CDC42BPA: variants seen among roughly 807,000 people sequenced by gnomAD.
CDC42BPA encodes CDC42 binding protein kinase alpha.
In CDC42BPA, 80 loss-of-function variants were observed where a neutral mutation model predicts 223.5. That is an observed-to-expected ratio of 0.36 (90% CI 0.30 to 0.43). The LOEUF (loss-of-function observed/expected upper bound fraction) is 0.43, where lower values mean the gene tolerates loss of function less well. CDC42BPA is among the 20% of genes least tolerant of loss of function. The pLI, the probability that CDC42BPA is intolerant of heterozygous loss-of-function variation, is 1.00. For synonymous variants in CDC42BPA, 694 were observed against 718.6 expected, an observed-to-expected ratio of 0.97 and a Z score of 0.55; for missense variants, 1,743 against 2,099.9, an observed-to-expected ratio of 0.83 and a Z score of 3.32.
At chr1:227,247,537 A>G (rs554842523) in intron 2 of CDC42BPA, among the ~76,000 whole-genome samples, 2 of 152,104 alleles carry the variant, frequency 1.3e-5, no homozygotes, top group South Asian at 2.1e-4. Flanking sequence ...GAAATTCAAG[A>G]TAACACAGAG....
chr1:227,112,396 A>T lies in CDC42BPA; in HGVS notation c.1917T>A (p.Ala639=). The stretch of plus-strand genomic sequence containing the variant: ...GCTTCCTGTCTTTAGATGCTTCAGC[A>T]GCTAGAGCTTCTGTATGAACTTCCA... ...KELEVHTEAL[A]AEASKDRKLR... Residue 639 remains alanine (A), a synonymous_variant, in exon 14 of 37, where the codon GCT becomes GCA. Coordinates refer to ENST00000366766, the MANE Select transcript of CDC42BPA (RefSeq NM_001394014.1). 1 of 1,604,628 alleles carries T rather than the reference A, an allele frequency of 6.2e-7. No homozygotes were observed. Among genetic ancestry groups the T allele is most frequent in the Non-Finnish European group, 8.5e-7 (1 of 1,175,834 alleles).
chr1:227,153,755 CA>C (rs1662220255), intron 6 of CDC42BPA, among the ~76,000 whole-genome samples: 1 of 151,744 alleles, frequency 6.6e-6, no homozygotes, highest in Non-Finnish European at 1.5e-5. Flanking sequence ...AATCTATCTG[CA>C]AAACAAAATA....
In CDC42BPA at chr1:227,004,996, G is replaced by T; in HGVS notation, c.4973C>A (p.Ala1658Glu). The T allele has an allele frequency of 6.2e-7, 1 of 1,609,898 alleles. No individual in the cohort carries two copies. Among genetic ancestry groups the T allele is most frequent in the Non-Finnish European group, 8.5e-7 (1 of 1,176,178 alleles). The stretch of plus-strand genomic sequence containing the variant: ...CTTCCTGTAGCCCCGGCACTTACTT[G>T]CTGACAAGCCACTGCTAGCACTCAT... ...RSMSASSGLS[A>E]RSSAQNGSAL... The change falls in exon 35 of 37, where the codon GCA (alanine) becomes GAA (glutamate). Residue 1658 changes from alanine (A) to glutamate (E), a missense_variant and splice_region_variant. Physicochemically the swap from Ala to Glu is moderately radical, Grantham distance 107. Transcript: ENST00000366766.
intron 2 of CDC42BPA, among the ~76,000 whole-genome samples, chr1:227,216,443 C>T (rs1472222413): frequency 6.6e-6 from 1 of 152,158 alleles, no homozygotes; most frequent in East Asian, 1.9e-4. Context: ...ATAACAGTTT[C>T]ATGAGCTACC....
At chr1:227,077,874 A>G (rs1553326897) in intron 17 of CDC42BPA, among the ~76,000 whole-genome samples, 1 of 152,138 alleles carries the variant, frequency 6.6e-6, no homozygotes, top group Non-Finnish European at 1.5e-5. Flanking sequence ...TTCATTTGTA[A>G]ATAGTATTAA....
intron 2 of CDC42BPA, among the ~76,000 whole-genome samples, chr1:227,235,711 A>G (rs925192302): frequency 3.9e-5 from 6 of 152,184 alleles, no homozygotes; most frequent in Admixed American, 2.0e-4. Flanking sequence ...CCTAATAAGG[A>G]CTTTCACACA....
chr1:227,203,659 C>A (rs2150263068), intron 3 of CDC42BPA, among the ~76,000 whole-genome samples: 1 of 152,250 alleles, frequency 6.6e-6, no homozygotes, highest in Admixed American at 6.5e-5. Flanking sequence ...TACTGTAGAT[C>A]ATATCACTTC....
At chr1:227,107,910 G>C (rs540878138) in intron 14 of CDC42BPA, among the ~76,000 whole-genome samples, 2 of 152,008 alleles carry the variant, frequency 1.3e-5, no homozygotes, top group African/African-American at 4.8e-5. Context: ...TTTGTTTTCT[G>C]TTGGTCAGTA....
At chr1:227,282,084 G>A (rs1184217003) in intron 1 of CDC42BPA, among the ~76,000 whole-genome samples, 3 of 151,916 alleles carry the variant, frequency 2.0e-5, no homozygotes, top group African/African-American at 4.8e-5. Flanking sequence ...AGCTACTTGG[G>A]AGCTGAGGCA....
At chr1:227,109,506 C>T (rs1225528224) in intron 14 of CDC42BPA, among the ~76,000 whole-genome samples, 1 of 152,072 alleles carries the variant, frequency 6.6e-6, no homozygotes, top group African/African-American at 2.4e-5. Context: ...GCTGGGATTA[C>T]AGGCATGCGC....
At chr1:227,000,120 A>C (rs1273008142) in intron 35 of CDC42BPA, among the ~76,000 whole-genome samples, 2 of 124,448 alleles carry the variant, frequency 1.6e-5, no homozygotes, top group East Asian at 2.0e-4. Context: ...TAATAATAAT[A>C]ATAATAATAA....
intron 17 of CDC42BPA, among the ~76,000 whole-genome samples, chr1:227,077,861 C>T (rs568839586): frequency 1.3e-5 from 2 of 152,256 alleles, no homozygotes; most frequent in South Asian, 4.1e-4. Flanking sequence ...TCATCTCTTG[C>T]CCTTCATTTG....
chr1:227,029,332 A>G, intron 29 of CDC42BPA, 82 bp from the exon 30 acceptor site: 5 of 865,736 alleles, frequency 5.8e-6, no homozygotes, highest in Non-Finnish European at 8.6e-6. Context: ...GATGTAAGTC[A>G]ACTTACAGAT....
intron 21 of CDC42BPA, among the ~76,000 whole-genome samples, chr1:227,053,147 G>A (rs563262404): frequency 6.6e-6 from 1 of 152,130 alleles, no homozygotes; most frequent in Non-Finnish European, 1.5e-5. Flanking sequence ...TTTTCCTATT[G>A]ATAATTAATG....
chr1:227,015,747 A>G (rs1666095763), intron 34 of CDC42BPA, among the ~76,000 whole-genome samples: 1 of 152,056 alleles, frequency 6.6e-6, no homozygotes, highest in Non-Finnish European at 1.5e-5. Flanking sequence ...GTGAAATTTT[A>G]GTGATTTGGT....
At chr1:227,144,614 T>TA in intron 8 of CDC42BPA, among the ~76,000 whole-genome samples, 1 of 125,946 alleles carries the variant, frequency 7.9e-6, no homozygotes, top group South Asian at 2.6e-4. Context: ...AGAGGAAGGC[T>TA]AAAAAGGCAA....
chr1:227,039,668 G>A (rs1032890206), intron 24 of CDC42BPA, among the ~76,000 whole-genome samples: 1 of 151,950 alleles, frequency 6.6e-6, no homozygotes, highest in East Asian at 1.9e-4. Flanking sequence ...GAAGTACAGT[G>A]GGTGTTCCAT....
chr1:227,093,508 C>A (rs370625717), intron 15 of CDC42BPA, among the ~76,000 whole-genome samples: 2 of 152,296 alleles, frequency 1.3e-5, no homozygotes, highest in African/African-American at 4.8e-5. Flanking sequence ...AAGTAATCTA[C>A]CAGCTATGTG....
At chr1:227,037,690 G>A (rs1223859819) in intron 24 of CDC42BPA, among the ~76,000 whole-genome samples, 2 of 152,200 alleles carry the variant, frequency 1.3e-5, no homozygotes, top group Non-Finnish European at 2.9e-5. Flanking sequence ...ATGGCAACTA[G>A]TATTAGAATT....
Sources: gnomAD v4.1 joint callset for allele counts (sites outside exome capture counted in the v4.1 genomes callset) on GRCh38, gnomAD v4.1.1 for gene constraint, MANE v1.5 for transcripts, NCBI Gene and HGNC (gene_info 2026-07-23, HGNC 2026-07-21) for gene names.